DSG1: variants seen among roughly 807,000 people sequenced by gnomAD.
DSG1 encodes the protein desmoglein 1.
A neutral mutation model predicts 97.5 loss-of-function variants in DSG1; 39 were observed. That is an observed-to-expected ratio of 0.40 (90% CI 0.31 to 0.52). The LOEUF is 0.52. Among genes scored for constraint, DSG1 ranks in the 20% least tolerant of loss-of-function variants. The pLI is 0.53. For synonymous variants in DSG1, 475 were observed against 443.4 expected, an observed-to-expected ratio of 1.07 and a Z score of -0.90; for missense variants, 1,311 against 1,295.4, an observed-to-expected ratio of 1.01 and a Z score of -0.18.
Position 31,329,948 on chromosome 18 carries a change from C to G in DSG1, c.429C>G (p.Leu143=), listed in dbSNP as rs749217826. The change falls in exon 5 of 15, where the codon CTC becomes CTG. Residue 143 remains leucine, a synonymous_variant. Transcript: ENST00000257192. ...MGQDLERPLE[L]RVRVLDINDN... is the part of the protein sequence containing the mutation. ...AAGATTTAGAGAGGCCTCTAGAGCT[C>G]AGAGTCAGGGTTTTGGATATAAATG... 4 of 1,613,340 alleles carry G rather than the reference C, an allele frequency of 2.5e-6. No individual in the cohort carries two copies. Among genetic ancestry groups the G allele is most frequent in the Non-Finnish European group, 3.4e-6 (4 of 1,179,448 alleles).
At position 31,340,080 on chromosome 18, in the gene DSG1, G is replaced by T. The variant is rs1004005752; in HGVS notation, c.1687+55G>T. The T allele has an allele frequency of 3.3e-6, 5 of 1,533,510 alleles. No homozygotes were observed. In the African/African-American group the frequency reaches 6.9e-5, roughly 21 times the overall value. 95.0% of individuals were successfully genotyped at this position (1,533,510 alleles called of 1,614,324 possible). On this transcript the variant is annotated intron_variant, in intron 11 of 14. Transcript: ENST00000257192. The stretch of plus-strand genomic sequence containing the variant: ...TGTCCCCCAAAAAATGCTGGGGGAG[G>T]AGTTAAGTTTTCTGATTCTTTGATA...
chr18:31,323,823 A>G (rs2071668423), intron 1 of DSG1, among the ~76,000 whole-genome samples: 1 of 152,088 alleles, frequency 6.6e-6, no homozygotes, highest in Admixed American at 6.6e-5. Flanking sequence ...GGATTTCCTC[A>G]GAATTCACTC....
In DSG1 at chr18:31,354,480, A is replaced by C; in HGVS notation, c.2284A>C (p.Ser762Arg). 1 of 1,614,190 alleles carries C rather than the reference A, an allele frequency of 6.2e-7. No homozygotes were observed. Residue 762 changes from serine to arginine, a missense_variant, in exon 15 of 15, where the codon AGC (serine) becomes CGC (arginine). Coordinates refer to ENST00000257192, the MANE Select transcript of DSG1 (RefSeq NM_001942.4). ...TAAATTTAAGAAGTTGGCAGACATC[A>C]GCCTAGGAAAAGAATCATATCCAGA... ...GPKFKKLADI[S>R]LGKESYPDLD... is the part of the protein sequence containing the mutation.
At chr18:31,343,397 T>C in intron 11 of DSG1, 53 bp from the exon 12 acceptor site, 1 of 1,612,354 alleles carries the variant, frequency 6.2e-7, no homozygotes. Flanking sequence ...GGTTGTTTTG[T>C]TTTTTATTTG....
chr18:31,352,853 T>C (rs1311381073), intron 14 of DSG1, among the ~76,000 whole-genome samples: 5 of 129,020 alleles, frequency 3.9e-5, no homozygotes, highest in Non-Finnish European at 8.0e-5. Context: ...GTATTGGTTA[T>C]TCTTGTTATA....
chr18:31,339,759 C>CT lies in DSG1; in HGVS notation c.1423dup (p.Cys475LeufsTer6). The CT allele has an allele frequency of 6.2e-7, 1 of 1,611,170 alleles. No homozygotes were observed. Among genetic ancestry groups the CT allele is most frequent in the Non-Finnish European group, 8.5e-7 (1 of 1,177,502 alleles). On this transcript the variant is annotated frameshift_variant, in exon 11 of 15. Coordinates refer to ENST00000257192, the MANE Select transcript of DSG1 (RefSeq NM_001942.4). LOFTEE classifies it high-confidence loss of function. The stretch of plus-strand genomic sequence containing the variant: ...GTTATTACAGATAATCTTCAAAGAA[C>CT]TTGCACTGGTACAATTAATATTAAC...
At chr18:31,342,625 T>A (rs1253361631) in intron 11 of DSG1, among the ~76,000 whole-genome samples, 3 of 152,212 alleles carry the variant, frequency 2.0e-5, no homozygotes, top group Admixed American at 2.0e-4. Context: ...AGCAGTGTGA[T>A]GTTTTCTATT....
At chr18:31,344,981 A>G (rs2071819769) in intron 13 of DSG1, among the ~76,000 whole-genome samples, 1 of 152,278 alleles carries the variant, frequency 6.6e-6, no homozygotes, top group Middle Eastern at 3.4e-3. Flanking sequence ...CTATTTCTCC[A>G]CCTGATTTGT....
At position 31,334,198 on chromosome 18, in the gene DSG1, T is replaced by C; in HGVS notation, c.1001T>C (p.Val334Ala). The change falls in exon 8 of 15, where the codon GTT becomes GCT. Residue 334 changes from valine to alanine, a missense_variant. By Grantham distance (64) the Val-to-Ala change is moderately conservative. Around this residue, in one of 3 missense-constraint regions of DSG1, gnomAD observed 1,038 missense variants for 964.6 expected, o/e 1.08. Transcript: ENST00000257192. The part of the protein sequence containing the change: ...ERTNVGILKV[V>A]KPLDYEAMQS... ...ACAAATGTGGGAATTTTAAAGGTTGTTAAGGTATGGTATAATTATCCTAAA... is the reference window on the plus strand; with the variant it reads ...ACAAATGTGGGAATTTTAAAGGTTGCTAAGGTATGGTATAATTATCCTAAA... 1 of 1,578,204 alleles carries C rather than the reference T, an allele frequency of 6.3e-7. No homozygotes were observed. The highest frequency in any genetic ancestry group is 8.7e-7 in the Non-Finnish European group (1 of 1,148,460).
At chr18:31,326,095 T>C (rs1050695926) in intron 1 of DSG1, among the ~76,000 whole-genome samples, 2 of 152,012 alleles carry the variant, frequency 1.3e-5, no homozygotes, top group Admixed American at 6.6e-5. Context: ...TAAATACTTA[T>C]TTTCTGAATT....
chr18:31,321,324 G>T (rs781465420), intron 1 of DSG1, among the ~76,000 whole-genome samples: 1 of 152,018 alleles, frequency 6.6e-6, no homozygotes, highest in Non-Finnish European at 1.5e-5. Flanking sequence ...TAAAGCAAGA[G>T]AAGAACTAAC....
At chr18:31,345,741 C>T (rs980895802) in intron 13 of DSG1, among the ~76,000 whole-genome samples, 2 of 151,972 alleles carry the variant, frequency 1.3e-5, no homozygotes, top group African/African-American at 4.8e-5. Context: ...TTTTTAAGTC[C>T]TCTGCAGCCT....
Position 31,357,795 on chromosome 18 carries a change from A to G in DSG1, c.*2449A>G, listed in dbSNP as rs2071971905. ...CCAGGATTGCAAATTGATGGGAAAA[A>G]CAAGAAAAACTGAAGTATTAGTCAC... On this transcript the variant is annotated 3_prime_UTR_variant, in exon 15 of 15. Transcript: ENST00000257192. Among the ~76,000 whole-genome samples the G allele has an allele frequency of 6.6e-6, 1 of 152,038 alleles. No homozygotes were observed. Among genetic ancestry groups the G allele is most frequent in the Non-Finnish European group, 1.5e-5 (1 of 67,894 alleles).
At position 31,355,052 on chromosome 18, in the gene DSG1, A is replaced by G; in HGVS notation, c.2856A>G (p.Thr952=). 6.2e-7 allele frequency: 1 copy of G among 1,614,202 alleles called. No individual in the cohort carries two copies. The highest frequency in any genetic ancestry group is 1.1e-5 in the South Asian group (1 of 91,084). The part of the protein sequence containing the change: ...ELANAHNVIV[T]ERVVSGAGVT... ...CCAATGCCCACAATGTCATTGTGAC[A>G]GAGAGGGTTGTTTCTGGTGCTGGCG... Residue 952 remains threonine (T), a synonymous_variant, in exon 15 of 15, where the codon ACA becomes ACG. Transcript: ENST00000257192.
At chr18:31,334,251 A>C (rs2071738552) in intron 8 of DSG1, 49 bp downstream of exon 8, 2 of 1,308,188 alleles carry the variant, frequency 1.5e-6, no homozygotes, top group South Asian at 2.5e-5. Context: ...CTTTTTTCAA[A>C]ATGTTAAACT....
At chr18:31,348,764 CT>C (rs1555656171) in intron 14 of DSG1, among the ~76,000 whole-genome samples, 1 of 134,052 alleles carries the variant, frequency 7.5e-6, no homozygotes, top group Non-Finnish European at 1.6e-5. Flanking sequence ...GCATAAATGT[CT>C]TCTTTTGAGA....
chr18:31,346,158 G>C lies in DSG1; in HGVS notation c.2060G>C (p.Gly687Ala). ...RRNSMRECRE[G>A]GLNMNFMESY... ...AATTCTATGAGGGAATGTAGAGAAGGAGGTCTGAATATGAATTTCATGGAA... is the reference window on the plus strand; with the variant it reads ...AATTCTATGAGGGAATGTAGAGAAGCAGGTCTGAATATGAATTTCATGGAA... Residue 687 changes from glycine to alanine, a missense_variant, in exon 14 of 15, where the codon GGA (glycine) becomes GCA (alanine). By Grantham distance (60) the Gly-to-Ala change is moderately conservative (BLOSUM62 0). Coordinates refer to ENST00000257192, the MANE Select transcript of DSG1 (RefSeq NM_001942.4). 1 of 1,613,908 alleles carries C rather than the reference G, an allele frequency of 6.2e-7. No individual in the cohort carries two copies. The highest frequency in any genetic ancestry group is 8.5e-7 in the Non-Finnish European group (1 of 1,179,834).
intron 11 of DSG1, among the ~76,000 whole-genome samples, chr18:31,341,745 A>G (rs1164228577): frequency 7.0e-6 from 1 of 143,138 alleles, no homozygotes; most frequent in Admixed American, 6.9e-5. Flanking sequence ...ATAACATAAA[A>G]TACATATGAA....
intron 8 of DSG1, among the ~76,000 whole-genome samples, chr18:31,334,777 A>G (rs758377425): frequency 2.0e-5 from 3 of 152,292 alleles, no homozygotes; most frequent in Middle Eastern, 3.4e-3. Flanking sequence ...CCGGTCCAGA[A>G]CAACTGGATG....
Sources: allele counts gnomAD v4.1 joint callset (sites outside exome capture counted in the v4.1 genomes callset), GRCh38; gene constraint gnomAD v4.1.1; regional missense constraint gnomAD v4.1.1; transcripts MANE v1.5; gene names NCBI Gene and HGNC (gene_info 2026-07-23, HGNC 2026-07-21).